Variants in ACTL7B observed in about 807,000 individuals in gnomAD.
The protein encoded by ACTL7B is actin like 7B, also known as actin-like protein 7B.
ACTL7B carries 14 observed loss-of-function variants against 17.5 expected under a neutral mutation model. That is an observed-to-expected ratio of 0.80 (90% confidence interval 0.53 to 1.25). ACTL7B has a LOEUF of 1.25. ACTL7B is among the 50% of genes most tolerant of loss of function. The pLI is 0.00. For synonymous variants in ACTL7B, 267 were observed against 252.4 expected, an observed-to-expected ratio of 1.06 and a Z score of -0.55; for missense variants, 599 against 573.9, an observed-to-expected ratio of 1.04 and a Z score of -0.45.
At position 108,854,833 on chromosome 9, in the gene ACTL7B, G is replaced by T; in HGVS notation, c.1098C>A (p.Asp366Glu). Residue 366 changes from aspartate to glutamate, a missense_variant, in exon 1 of 1, where the codon GAC becomes GAA. Coordinates refer to ENST00000374667, the MANE Select transcript of ACTL7B (RefSeq NM_006686.4). ...QRELSLLCPG[D>E]SPAVAAAPER... is the part of the protein sequence containing the mutation. ...CAGGAGCGGCAGCCACTGCAGGGCT[G>T]TCCCCGGGGCAGAGGAGGCTCAGCT... 2 of 1,596,116 alleles carry T rather than the reference G, an allele frequency of 1.3e-6. No individual in the cohort carries two copies. Among genetic ancestry groups the T allele is most frequent in the African/African-American group, 1.3e-5 (1 of 74,504 alleles).
In ACTL7B at chr9:108,855,377, G is replaced by A. The variant is rs1827082363; in HGVS notation, c.554C>T (p.Ser185Phe). The change falls in exon 1 of 1, where the codon TCC (serine) becomes TTC (phenylalanine). Residue 185 changes from serine to phenylalanine, a missense_variant. By Grantham distance (155) the Ser-to-Phe change is radical (BLOSUM62 -2). Coordinates refer to ENST00000374667, the MANE Select transcript of ACTL7B (RefSeq NM_006686.4). ...AMHVTSQSLL[S>F]IYSYGKTSGL... ...CGAGGTCTTGCCGTAGGAGTAGATG[G>A]ACAGCAACGACTGGGACGTCACGTG... 6.2e-7 allele frequency: 1 copy of A among 1,612,768 alleles called. No individual in the cohort carries two copies. The highest frequency in any genetic ancestry group is 8.5e-7 in the Non-Finnish European group (1 of 1,180,028).
At position 108,855,352 on chromosome 9, in the gene ACTL7B, C is replaced by T. The variant is rs1383235694; in HGVS notation, c.579G>A (p.Ser193=). Residue 193 remains serine (S), a synonymous_variant, in exon 1 of 1, where the codon TCG becomes TCA. Coordinates refer to ENST00000374667, the MANE Select transcript of ACTL7B (RefSeq NM_006686.4). ...LLSIYSYGKT[S]GLVVESGHGV... is the part of the protein sequence containing the mutation. ...CGTGCCCGCTCTCCACCACCAGCCC[C>T]GAGGTCTTGCCGTAGGAGTAGATGG... The T allele has an allele frequency of 5.0e-6, 8 of 1,610,692 alleles. No individual in the cohort carries two copies. Among genetic ancestry groups the T allele is most frequent in the South Asian group, 2.2e-5 (2 of 91,090 alleles).
Position 108,855,385 on chromosome 9 carries a change from C to T in ACTL7B, c.546G>A (p.Ser182=), listed in dbSNP as rs751181129. 77 of 1,612,942 alleles carry T rather than the reference C, an allele frequency of 4.8e-5. 1 individual carries two copies. In the Middle Eastern group the frequency reaches 1.5e-3, roughly 31 times the overall value. ...TGCCGTAGGAGTAGATGGACAGCAA[C>T]GACTGGGACGTCACGTGCATGGCTG... ...GIPAMHVTSQ[S]LLSIYSYGKT... Residue 182 remains serine, a synonymous_variant, in exon 1 of 1, where the codon TCG becomes TCA. Coordinates refer to ENST00000374667, the MANE Select transcript of ACTL7B (RefSeq NM_006686.4).
Position 108,855,714 on chromosome 9 carries a change from A to G in ACTL7B, c.217T>C (p.Tyr73His), listed in dbSNP as rs1827092858. The G allele has an allele frequency of 1.2e-6, 2 of 1,610,006 alleles. No individual in the cohort carries two copies. Among genetic ancestry groups the G allele is most frequent in the Non-Finnish European group, 1.7e-6 (2 of 1,179,992 alleles). Residue 73 changes from tyrosine to histidine, a missense_variant, in exon 1 of 1, where the codon TAC becomes CAC. Tyr to His is a moderately conservative substitution (Grantham distance 83, BLOSUM62 2). Coordinates refer to ENST00000374667, the MANE Select transcript of ACTL7B (RefSeq NM_006686.4). ...CGYAGEPRPT[Y>H]FISSTVGKRC... ...TTGCCCACGGTGGAGGAGATGAAGTAGGTGGGCCTCGGCTCTCCCGCGTAG... is the reference window on the plus strand; with the variant it reads ...TTGCCCACGGTGGAGGAGATGAAGTGGGTGGGCCTCGGCTCTCCCGCGTAG...
rs1827086396 is a variant in ACTL7B at position 108,855,490 on chromosome 9, C to G, written c.441G>C (p.Val147=). 6.2e-7 allele frequency: 1 copy of G among 1,613,458 alleles called. No individual in the cohort carries two copies. The highest frequency in any genetic ancestry group is 8.5e-7 in the Non-Finnish European group (1 of 1,180,036). Residue 147 remains valine, a synonymous_variant, in exon 1 of 1, where the codon GTG becomes GTC. Transcript: ENST00000374667. ...AMKILPEEHA[V]LVSDPPLSPS... is the part of the protein sequence containing the mutation. ...GGCTGAGCGGAGGGTCGGAGACCAG[C>G]ACAGCGTGCTCCTCGGGGAGGATCT...
rs544806115 is a variant in ACTL7B at position 108,855,896 on chromosome 9, G to A, written c.35C>T (p.Thr12Met). ...ATRNSPMPLGTAQGDPGEAGT... is the reference protein window; with the variant it reads ...ATRNSPMPLGMAQGDPGEAGT... The stretch of plus-strand genomic sequence containing the variant: ...TGCCTCTCCAGGGTCACCCTGAGCC[G>A]TGCCCAGGGGCATGGGGCTGTTCCT... Residue 12 changes from threonine (T) to methionine (M), a missense_variant, in exon 1 of 1, where the codon ACG becomes ATG. Thr to Met is a moderately conservative substitution (Grantham distance 81). Transcript: ENST00000374667. The A allele has an allele frequency of 3.4e-5, 54 of 1,603,564 alleles. No homozygotes were observed. In the Middle Eastern group the frequency reaches 5.1e-4, roughly 15 times the overall value.
At position 108,855,213 on chromosome 9, in the gene ACTL7B, C is replaced by G. The variant is rs1197489102; in HGVS notation, c.718G>C (p.Ala240Pro). 1 of 1,597,280 alleles carries G rather than the reference C, an allele frequency of 6.3e-7. No individual in the cohort carries two copies. The highest frequency in any genetic ancestry group is 8.5e-7 in the Non-Finnish European group (1 of 1,175,982). ...TNYLMQLLNE[A>P]GHAFTDDHLH... is the part of the protein sequence containing the mutation. ...TGGTCGTCCGTGAATGCGTGGCCCG[C>G]CTCATTGAGCAGCTGCATCAGGTAG... is the stretch of plus-strand genomic sequence containing the variant. The change falls in exon 1 of 1, where the codon GCG becomes CCG. Residue 240 changes from alanine to proline, a missense_variant. Physicochemically the swap from Ala to Pro is conservative, Grantham distance 27. Transcript: ENST00000374667.
In ACTL7B at chr9:108,855,535, G is replaced by A. The variant is rs1214727910; in HGVS notation, c.396C>T (p.Tyr132=). The A allele has an allele frequency of 3.1e-6, 5 of 1,613,504 alleles. No individual in the cohort carries two copies. Among genetic ancestry groups the A allele is most frequent in the African/African-American group, 1.3e-5 (1 of 74,960 alleles). Residue 132 remains tyrosine, a synonymous_variant, in exon 1 of 1, where the codon TAC becomes TAT. Coordinates refer to ENST00000374667, the MANE Select transcript of ACTL7B (RefSeq NM_006686.4). ...DWDCVQDIWE[Y]IFRTAMKILP... ...GGATCTTCATGGCGGTGCGGAAGAT[G>A]TACTCCCAGATGTCCTGCACGCAGT...
chr9:108,854,755 G>A lies in ACTL7B; in HGVS notation c.1176C>T (p.Ala392=), dbSNP rs757396032. The A allele has an allele frequency of 1.3e-6, 2 of 1,576,228 alleles. No individual in the cohort carries two copies. Among genetic ancestry groups the A allele is most frequent in the East Asian group, 2.2e-5 (1 of 44,462 alleles). The change falls in exon 1 of 1, where the codon GCC becomes GCT. Residue 392 remains alanine, a synonymous_variant. Transcript: ENST00000374667. ...TGGSILASLQ[A]FQQLWVSKEE... is the part of the protein sequence containing the mutation. ...CCTTGCTGACCCAGAGCTGTTGGAA[G>A]GCCTGCAGGGAGGCCAGGATGGAAC...
chr9:108,854,910 G>A lies in ACTL7B; in HGVS notation c.1021C>T (p.Leu341=). Residue 341 remains leucine, a synonymous_variant, in exon 1 of 1, where the codon CTG becomes TTG. Coordinates refer to ENST00000374667, the MANE Select transcript of ACTL7B (RefSeq NM_006686.4). ...FKEEMAANVL[L]CGGCTMLDGF... ...TCCAGCATAGTGCAGCCGCCACACA[G>A]TAGCACGTTGGCGGCCATCTCCTCC... 1 of 1,517,908 alleles carries A rather than the reference G, an allele frequency of 6.6e-7. No homozygotes were observed. The highest frequency in any genetic ancestry group is 2.2e-5 in the Admixed American group (1 of 44,890). 94.0% of individuals were successfully genotyped at this position (1,517,908 alleles called of 1,614,324 possible).
In ACTL7B at chr9:108,854,785, G is replaced by C; in HGVS notation, c.1146C>G (p.Thr382=). Residue 382 remains threonine, a synonymous_variant, in exon 1 of 1, where the codon ACC becomes ACG. Transcript: ENST00000374667. ...AAPERKTSVW[T]GGSILASLQA... is the part of the protein sequence containing the mutation. ...GCAGGGAGGCCAGGATGGAACCGCCGGTCCACACGGAGGTCTTCCTCTCAG... is the reference window on the plus strand; with the variant it reads ...GCAGGGAGGCCAGGATGGAACCGCCCGTCCACACGGAGGTCTTCCTCTCAG... The C allele has an allele frequency of 6.2e-7, 1 of 1,602,922 alleles. No individual in the cohort carries two copies. The highest frequency in any genetic ancestry group is 8.5e-7 in the Non-Finnish European group (1 of 1,173,844).
Position 108,855,724 on chromosome 9 carries a change from C to G in ACTL7B, c.207G>C (p.Pro69=). ...TGGAGGAGATGAAGTAGGTGGGCCT[C>G]GGCTCTCCCGCGTAGCCGCACTTGC... is the stretch of plus-strand genomic sequence containing the variant. ...QYCKCGYAGE[P]RPTYFISSTV... is the part of the protein sequence containing the mutation. Residue 69 remains proline (P), a synonymous_variant, in exon 1 of 1, where the codon CCG becomes CCC. Transcript: ENST00000374667. 6.2e-7 allele frequency: 1 copy of G among 1,609,242 alleles called. No homozygotes were observed. The highest frequency in any genetic ancestry group is 8.5e-7 in the Non-Finnish European group (1 of 1,179,942).
At position 108,854,797 on chromosome 9, in the gene ACTL7B, G is replaced by C; in HGVS notation, c.1134C>G (p.Thr378=). The change falls in exon 1 of 1, where the codon ACC becomes ACG. Residue 378 remains threonine, a synonymous_variant. Coordinates refer to ENST00000374667, the MANE Select transcript of ACTL7B (RefSeq NM_006686.4). ...PAVAAAPERK[T]SVWTGGSILA... ...GGATGGAACCGCCGGTCCACACGGAGGTCTTCCTCTCAGGAGCGGCAGCCA... is the reference window on the plus strand; with the variant it reads ...GGATGGAACCGCCGGTCCACACGGACGTCTTCCTCTCAGGAGCGGCAGCCA... 1 of 1,605,542 alleles carries C rather than the reference G, an allele frequency of 6.2e-7. No individual in the cohort carries two copies. The highest frequency in any genetic ancestry group is 8.5e-7 in the Non-Finnish European group (1 of 1,175,358).
Position 108,855,197 on chromosome 9 carries a change from G to C in ACTL7B, c.734C>G (p.Thr245Arg), listed in dbSNP as rs764794350. 148 of 1,600,764 alleles carry C rather than the reference G, an allele frequency of 9.2e-5. No homozygotes were observed. The highest frequency in any genetic ancestry group is 1.6e-4 in the Middle Eastern group (1 of 6,068). ...CTCTATGATGTGCAGGTGGTCGTCC[G>C]TGAATGCGTGGCCCGCCTCATTGAG... The part of the protein sequence containing the change: ...QLLNEAGHAF[T>R]DDHLHIIEHI... The change falls in exon 1 of 1, where the codon ACG (threonine) becomes AGG (arginine). Residue 245 changes from threonine (T) to arginine (R), a missense_variant. Coordinates refer to ENST00000374667, the MANE Select transcript of ACTL7B (RefSeq NM_006686.4).
rs369622245 is a variant in ACTL7B at position 108,855,110 on chromosome 9, G to A, written c.821C>T (p.Pro274Leu). The A allele has an allele frequency of 2.5e-6, 4 of 1,604,428 alleles. No homozygotes were observed. Among genetic ancestry groups the A allele is most frequent in the African/African-American group, 1.3e-5 (1 of 74,804 alleles). ...FLPEEELGLV[P>L]EELRVDYELP... The stretch of plus-strand genomic sequence containing the variant: ...CTCGTAGTCCACGCGCAGCTCCTCC[G>A]GGACCAGGCCCAGCTCCTCCTCGGG... The change falls in exon 1 of 1, where the codon CCG becomes CTG. Residue 274 changes from proline (P) to leucine (L), a missense_variant. Coordinates refer to ENST00000374667, the MANE Select transcript of ACTL7B (RefSeq NM_006686.4).
Position 108,855,812 on chromosome 9 carries a change from T to C in ACTL7B, c.119A>G (p.Lys40Arg), listed in dbSNP as rs1564198752. 6.2e-7 allele frequency: 1 copy of C among 1,611,234 alleles called. No homozygotes were observed. Among genetic ancestry groups the C allele is most frequent in the East Asian group, 2.2e-5 (1 of 44,880 alleles). ...LRDTGAATQL[K>R]MKPRKVHKIK... ...CTTGTGCACCTTCCTGGGCTTCATC[T>C]TGAGCTGAGTGGCCGCACCTGTGTC... Residue 40 changes from lysine (K) to arginine (R), a missense_variant, in exon 1 of 1, where the codon AAG (lysine) becomes AGG (arginine). By Grantham distance (26) the Lys-to-Arg change is conservative. Coordinates refer to ENST00000374667, the MANE Select transcript of ACTL7B (RefSeq NM_006686.4).
In ACTL7B at chr9:108,854,754, A is replaced by G. The variant is rs986490003; in HGVS notation, c.1177T>C (p.Phe393Leu). The change falls in exon 1 of 1, where the codon TTC (phenylalanine) becomes CTC (leucine). Residue 393 changes from phenylalanine (F) to leucine (L), a missense_variant. Transcript: ENST00000374667. ...TCCTTGCTGACCCAGAGCTGTTGGA[A>G]GGCCTGCAGGGAGGCCAGGATGGAA... ...GGSILASLQA[F>L]QQLWVSKEEF... The G allele has an allele frequency of 1.3e-6, 2 of 1,570,050 alleles. No individual in the cohort carries two copies. Among genetic ancestry groups the G allele is most frequent in the Non-Finnish European group, 1.7e-6 (2 of 1,158,888 alleles).
Position 108,855,282 on chromosome 9 carries a change from C to CCGG in ACTL7B, c.646_648dup (p.Pro216dup). The CCGG allele has an allele frequency of 6.3e-7, 1 of 1,599,134 alleles. No homozygotes were observed. The highest frequency in any genetic ancestry group is 2.2e-5 in the East Asian group (1 of 44,820). ...GCGTAGTCGGCGCGGCTGGTCAGGCCCGGCAGCACGTCGCCCTCGGATATG... is the reference window on the plus strand; with the variant it reads ...GCGTAGTCGGCGCGGCTGGTCAGGCCCGGCGGCAGCACGTCGCCCTCGGATATG... On this transcript the variant is annotated inframe_insertion, in exon 1 of 1. Transcript: ENST00000374667.
At position 108,854,908 on chromosome 9, in the gene ACTL7B, C is replaced by G. The variant is rs775379110; in HGVS notation, c.1023G>C (p.Leu341=). ...CATCCAGCATAGTGCAGCCGCCACACAGTAGCACGTTGGCGGCCATCTCCT... is the reference window on the plus strand; with the variant it reads ...CATCCAGCATAGTGCAGCCGCCACAGAGTAGCACGTTGGCGGCCATCTCCT... ...FKEEMAANVL[L]CGGCTMLDGF... Residue 341 remains leucine (L), a synonymous_variant, in exon 1 of 1, where the codon CTG becomes CTC. Transcript: ENST00000374667. 1 of 1,518,340 alleles carries G rather than the reference C, an allele frequency of 6.6e-7. No individual in the cohort carries two copies. Among genetic ancestry groups the G allele is most frequent in the South Asian group, 1.3e-5 (1 of 75,860 alleles). The allele number at this position is 1,518,340 out of a possible 1,614,324, so 94.1% of individuals were successfully genotyped here. A position where few individuals can be genotyped will look rare whatever the true frequency, so the allele number is the denominator to read the frequency against.
Sources: allele counts gnomAD v4.1 joint callset, GRCh38; gene constraint gnomAD v4.1.1; transcripts MANE v1.5; gene names NCBI Gene and HGNC (gene_info 2026-07-23, HGNC 2026-07-21).